Variants in TNIK observed in about 807,000 individuals in gnomAD.
TNIK encodes the protein TRAF2 and NCK interacting kinase, also known as TRAF2 and NCK-interacting protein kinase.
In TNIK, 49 loss-of-function variants were observed where a neutral mutation model predicts 191.3. The ratio of observed to expected loss-of-function variants is 0.26; its 90% CI spans 0.20 to 0.32. TNIK has a LOEUF of 0.32. TNIK is among the 10% of genes least tolerant of loss of function. TNIK has a pLI of 1.00. For synonymous variants in TNIK, 594 were observed against 600.9 expected (o/e 0.99, Z 0.17); for missense variants, 1,155 against 1,702.3 (o/e 0.68, Z 5.66).
intron 1 of TNIK, among the ~76,000 whole-genome samples, chr3:171,440,279 A>T (rs1577947585): frequency 6.6e-6 from 1 of 151,228 alleles, no homozygotes; most frequent in Admixed American, 6.6e-5. Flanking sequence ...AGTAATGGTG[A>T]GTAACAGTAA....
Position 171,139,543 on chromosome 3 carries a change from C to G in TNIK, c.1346G>C (p.Arg449Pro). The change falls in exon 14 of 33, where the codon CGA (arginine) becomes CCA (proline). Residue 449 changes from arginine to proline, a missense_variant. This residue lies in a region of TNIK where 735 missense variants were observed against 848.0 expected (regional missense o/e 0.87). Transcript: ENST00000436636. ...RAEHEQEYIR[R>P]QLEEEQRQLE... The stretch of plus-strand genomic sequence containing the variant: ...CTGTCTCTGCTCCTCCTCTAACTGT[C>G]GCCTGATGTATTCCTGGAGAGGTAG... The G allele has an allele frequency of 6.2e-7, 1 of 1,613,680 alleles. No homozygotes were observed. The highest frequency in any genetic ancestry group is 1.3e-5 in the African/African-American group (1 of 74,998).
intron 2 of TNIK, among the ~76,000 whole-genome samples, chr3:171,368,036 C>T (rs1240292634): frequency 6.6e-6 from 1 of 152,014 alleles, no homozygotes; most frequent in Non-Finnish European, 1.5e-5. Context: ...AGATCTGAGA[C>T]CTCTTGCCAT....
chr3:171,140,517 G>T lies in TNIK; in HGVS notation c.1222-8C>A, dbSNP rs765913671. ...CTTCTCTCGCCTTTGTTGCTGTGGG[G>T]CAACAAGCAGACAACCATGAAGGCA... is the stretch of plus-strand genomic sequence containing the variant. On this transcript the variant is annotated splice_region_variant and splice_polypyrimidine_tract_variant and intron_variant, in intron 12 of 32. Coordinates refer to ENST00000436636, the MANE Select transcript of TNIK (RefSeq NM_015028.4). The T allele has an allele frequency of 2.5e-6, 4 of 1,612,666 alleles. No homozygotes were observed. In the African/African-American group the frequency reaches 4.0e-5, roughly 16 times the overall value.
chr3:171,180,385 C>T lies in TNIK; in HGVS notation c.640-3005G>A, dbSNP rs572323427. On this transcript the variant is annotated intron_variant, in intron 7 of 32. Transcript: ENST00000436636. ...CACAGAACTAACCACCTCTAACATA[C>T]GACATGTTTATTCATCACTAATTTA... Among the ~76,000 whole-genome samples the T allele has an allele frequency of 7.2e-5, 11 of 152,148 alleles. No individual in the cohort carries two copies. In the South Asian group the frequency reaches 1.5e-3, roughly 20 times the overall value.
intron 18 of TNIK, 122 bp downstream of exon 18, chr3:171,123,474 G>C (rs776107512): frequency 4.3e-6 from 3 of 696,482 alleles, no homozygotes; most frequent in Non-Finnish European, 6.8e-6. Flanking sequence ...AACGTTTATA[G>C]TGCACATGGA....
At chr3:171,376,758 A>AGATAGATAGAT in intron 1 of TNIK, among the ~76,000 whole-genome samples, 1 of 151,532 alleles carries the variant, frequency 6.6e-6, no homozygotes, top group African/African-American at 2.4e-5. Context: ...ATAGATAGAT[A>AGATAGATAGAT]GATAGATAGA....
chr3:171,178,778 T>G (rs1247617792), intron 7 of TNIK, among the ~76,000 whole-genome samples: 1 of 152,218 alleles, frequency 6.6e-6, no homozygotes, highest in African/African-American at 2.4e-5. Flanking sequence ...ATTTTGTACA[T>G]TTTTCAAAAT....
At chr3:171,082,612 T>C in intron 26 of TNIK, 1 of 543,796 alleles carries the variant, frequency 1.8e-6, no homozygotes, top group Non-Finnish European at 3.1e-6. Flanking sequence ...GTTAGCAGCA[T>C]TCATACATCT....
chr3:171,163,903 A>T (rs1734299520), intron 10 of TNIK, among the ~76,000 whole-genome samples: 1 of 152,250 alleles, frequency 6.6e-6, no homozygotes, highest in Non-Finnish European at 1.5e-5. Context: ...GGTTGAAAAA[A>T]ATCACAAATA....
At chr3:171,089,194 C>T (rs944562000) in intron 23 of TNIK, among the ~76,000 whole-genome samples, 9 of 152,282 alleles carry the variant, frequency 5.9e-5, no homozygotes, top group South Asian at 2.1e-4. Flanking sequence ...TCCTGGACTA[C>T]GAGCTGTCCT....
At chr3:171,215,305 G>A (rs955901452) in intron 3 of TNIK, among the ~76,000 whole-genome samples, 1 of 152,118 alleles carries the variant, frequency 6.6e-6, no homozygotes, top group Non-Finnish European at 1.5e-5. Context: ...GTCATCATGT[G>A]GTCATAAAAC....
intron 2 of TNIK, among the ~76,000 whole-genome samples, chr3:171,228,826 G>A (rs1400913571): frequency 1.3e-5 from 2 of 152,160 alleles, no homozygotes; most frequent in African/African-American, 2.4e-5. Context: ...CAGCAACCAC[G>A]TGGCAAAATC....
At position 171,245,968 on chromosome 3, in the gene TNIK, C is replaced by G. The variant is rs558161340; in HGVS notation, c.124-17747G>C. On this transcript the variant is annotated intron_variant, in intron 2 of 32. Transcript: ENST00000436636. The stretch of plus-strand genomic sequence containing the variant: ...TTGGGGGAGGGGAGCAGATGAAGAA[C>G]GGAAGTAGATGCTTGTGTAGGGCAG... Among the ~76,000 whole-genome samples, 3 of 151,918 alleles carry G rather than the reference C, an allele frequency of 2.0e-5. No individual in the cohort carries two copies. The East Asian group carries it at 5.8e-4, about 29-fold the overall frequency.
intron 2 of TNIK, among the ~76,000 whole-genome samples, chr3:171,287,785 A>G (rs1751178580): frequency 6.6e-6 from 1 of 152,170 alleles, no homozygotes; most frequent in South Asian, 2.1e-4. Flanking sequence ...AAAGGGCCAA[A>G]TTGTTCAAAT....
At chr3:171,205,092 A>T (rs533454274) in intron 4 of TNIK, among the ~76,000 whole-genome samples, 27 of 152,336 alleles carry the variant, frequency 1.8e-4, no homozygotes, top group Non-Finnish European at 3.2e-4. Context: ...CATTGTTCTT[A>T]TTAACAGAGA....
At chr3:171,317,575 T>C (rs1437034674) in intron 2 of TNIK, among the ~76,000 whole-genome samples, 1 of 152,170 alleles carries the variant, frequency 6.6e-6, no homozygotes, top group Non-Finnish European at 1.5e-5. Context: ...ACTACCTCTT[T>C]GCCCGCTTAG....
intron 17 of TNIK, among the ~76,000 whole-genome samples, chr3:171,124,830 G>A (rs943282687): frequency 1.3e-5 from 2 of 152,052 alleles, no homozygotes; most frequent in African/African-American, 4.8e-5. Flanking sequence ...GTATGCCTGC[G>A]TATTTTTAGA....
chr3:171,069,077 A>T, intron 29 of TNIK, 80 bp from the exon 30 acceptor site: 1 of 1,471,634 alleles, frequency 6.8e-7, no homozygotes, highest in Non-Finnish European at 9.1e-7. Context: ...GTCTAGAGGA[A>T]GTTAACTTCT....
intron 2 of TNIK, among the ~76,000 whole-genome samples, chr3:171,321,336 T>C (rs937012197): frequency 6.6e-6 from 1 of 152,182 alleles, no homozygotes; most frequent in African/African-American, 2.4e-5. Context: ...AATTAACTTA[T>C]TGCGGTTTTC....
Sources: gnomAD v4.1 joint callset for allele counts (sites outside exome capture counted in the v4.1 genomes callset) on GRCh38, gnomAD v4.1.1 for gene constraint, gnomAD v4.1.1 regional missense constraint, MANE v1.5 for transcripts, NCBI Gene and HGNC (gene_info 2026-07-23, HGNC 2026-07-21) for gene names.